RNF213: variants seen among roughly 807,000 people sequenced by gnomAD.
RNF213 encodes the protein ring finger protein 213, also known as E3 ubiquitin-protein ligase RNF213.
Under a neutral mutation model 514.4 loss-of-function variants are expected in RNF213, and 341 were observed. The observed-to-expected ratio is 0.66, with a 90% CI of 0.61 to 0.73. The LOEUF (loss-of-function observed/expected upper bound fraction) is 0.73, where lower values mean the gene tolerates loss of function less well. Ranked by LOEUF, RNF213 falls within the 30% of genes least tolerant of loss-of-function variation. The pLI is 0.00. For synonymous variants in RNF213, 2,655 were observed against 2,658.2 expected (o/e 1.00, Z 0.04); for missense variants, 5,767 against 6,615.6 (o/e 0.87, Z 4.45).
At position 80,289,759 on chromosome 17, in the gene RNF213, A is replaced by G. The variant is rs1377273405; in HGVS notation, c.1034A>G (p.Lys345Arg). 1 of 1,614,020 alleles carries G rather than the reference A, an allele frequency of 6.2e-7. No individual in the cohort carries two copies. The highest frequency in any genetic ancestry group is 1.1e-5 in the South Asian group (1 of 91,068). The change falls in exon 6 of 68, where the codon AAG becomes AGG. Residue 345 changes from lysine (K) to arginine (R), a missense_variant. This residue lies in a region of RNF213 where 509 missense variants were observed against 496.7 expected (regional missense o/e 1.02). Coordinates refer to ENST00000582970, the MANE Select transcript of RNF213 (RefSeq NM_001256071.3). The stretch of plus-strand genomic sequence containing the variant: ...GAAGACCTCAAGAAGCCAGAGGGGA[A>G]GAACAGAAGTGCAGCTGCTGTGAAA... ...EPEDLKKPEG[K>R]NRSAAAVKNE...
At chr17:80,365,516 G>T (rs976038121) in intron 42 of RNF213, 1 of 125,486 alleles carries the variant, frequency 8.0e-6, no homozygotes. Flanking sequence ...GAAAGCAGGG[G>T]AGGTAGAGGA....
chr17:80,318,512 T>A lies in RNF213; in HGVS notation c.2902-678T>A, dbSNP rs1230441428. ...GGAGAACACACAGACATGCCCCTCA[T>A]GCTGAATTAAGGCCTGAGGCTCAAG... is the stretch of plus-strand genomic sequence containing the variant. On this transcript the variant is annotated intron_variant, in intron 16 of 67. Coordinates refer to ENST00000582970, the MANE Select transcript of RNF213 (RefSeq NM_001256071.3). 2.6e-5 allele frequency among the ~76,000 whole-genome samples: 4 copies of A among 152,094 alleles called. No individual in the cohort carries two copies. The East Asian group carries it at 7.7e-4, about 29-fold the overall frequency.
chr17:80,290,306 TGTGTGC>T (rs1372590438), intron 6 of RNF213, among the ~76,000 whole-genome samples: 2 of 152,154 alleles, frequency 1.3e-5, no homozygotes, highest in African/African-American at 2.4e-5. Flanking sequence ...TGCATGTGGG[TGTGTGC>T]GTGTGCGTTC....
At chr17:80,385,948 G>C (rs1485908833) in intron 61 of RNF213, among the ~76,000 whole-genome samples, 1 of 152,206 alleles carries the variant, frequency 6.6e-6, no homozygotes, top group Non-Finnish European at 1.5e-5. Flanking sequence ...TTACAAGCGG[G>C]AGCCACTGCG....
chr17:80,347,491 G>C lies in RNF213; in HGVS notation c.9156G>C (p.Leu3052=), dbSNP rs764881147. 1 of 1,614,092 alleles carries C rather than the reference G, an allele frequency of 6.2e-7. No individual in the cohort carries two copies. The highest frequency in any genetic ancestry group is 2.2e-5 in the East Asian group (1 of 44,888). ...LLVLTKNYVA[L]QILQQTFFEG... ...TGCTGACCAAAAACTACGTGGCACT[G>C]CAGATCCTGCAGCAGACATTCTTCG... The change falls in exon 29 of 68, where the codon CTG becomes CTC. Residue 3052 remains leucine, a synonymous_variant. Transcript: ENST00000582970. The surrounding 1 kb of genome is among the most constrained non-coding windows in gnomAD (Gnocchi z 7.2).
At position 80,298,476 on chromosome 17, in the gene RNF213, A is replaced by AG. The variant is rs1480986105; in HGVS notation, c.2171dup (p.Leu725ThrfsTer39). 4 of 1,614,116 alleles carry AG rather than the reference A, an allele frequency of 2.5e-6. No homozygotes were observed. Among genetic ancestry groups the AG allele is most frequent in the Non-Finnish European group, 3.4e-6 (4 of 1,180,032 alleles). ...CCTGAGGACACCTGGGCCGCTCTGG[A>AG]GGGACTCTCCTTCTCACCGTTCCGG... On this transcript the variant is annotated frameshift_variant, in exon 11 of 68. Transcript: ENST00000582970. LOFTEE classifies it high-confidence loss of function.
chr17:80,292,299 C>T lies in RNF213; in HGVS notation c.1471+472C>T, dbSNP rs199613694. 3.9e-5 allele frequency among the ~76,000 whole-genome samples: 6 copies of T among 152,248 alleles called. No individual in the cohort carries two copies. The East Asian group carries it at 9.7e-4, about 25-fold the overall frequency. ...GGGTTTCACCATGTTGGACCTTGAC[C>T]TCAGGTGATCTGCCCTCCTCGACCT... On this transcript the variant is annotated intron_variant, in intron 8 of 67. Coordinates refer to ENST00000582970, the MANE Select transcript of RNF213 (RefSeq NM_001256071.3).
chr17:80,346,095 AC>A lies in RNF213; in HGVS notation c.7761del (p.Asp2587GlufsTer21). 1 of 1,614,148 alleles carries A rather than the reference AC, an allele frequency of 6.2e-7. No homozygotes were observed. The highest frequency in any genetic ancestry group is 8.5e-7 in the Non-Finnish European group (1 of 1,180,040). On this transcript the variant is annotated frameshift_variant, in exon 29 of 68. Coordinates refer to ENST00000582970, the MANE Select transcript of RNF213 (RefSeq NM_001256071.3). LOFTEE classifies it high-confidence loss of function. The surrounding 1 kb of genome is among the most constrained non-coding windows in gnomAD (Gnocchi z 8.1). ...GTGTGGGACTTTGGACAACTGAGTGACGTTGCTGAAAAGCTCTACATCCAGC... is the reference window on the plus strand; with the variant it reads ...GTGTGGGACTTTGGACAACTGAGTGAGTTGCTGAAAAGCTCTACATCCAGC... ...PLVWDFGQLS[D>X]VAEKLYIQQI...
rs754100273 is a variant in RNF213 at position 80,385,035 on chromosome 17, C to T, written c.14323-4C>T. On this transcript the variant is annotated splice_polypyrimidine_tract_variant and splice_region_variant and intron_variant, in intron 59 of 67. Coordinates refer to ENST00000582970, the MANE Select transcript of RNF213 (RefSeq NM_001256071.3). ...TTGTTACTGGGTGGTCTTCCCTTCT[C>T]CAGGAAGCAGAGCTGAGGCTGGTAA... 1.7e-5 allele frequency: 28 copies of T among 1,614,204 alleles called. 1 individual carries two copies. The South Asian group carries it at 2.1e-4, about 12-fold the overall frequency.
intron 3 of RNF213, among the ~76,000 whole-genome samples, chr17:80,285,756 T>C (rs1267114551): frequency 6.6e-6 from 1 of 151,104 alleles, no homozygotes; most frequent in East Asian, 2.0e-4. Context: ...CCGCAGCCTC[T>C]GCCTCCCGGG....
intron 46 of RNF213, among the ~76,000 whole-genome samples, chr17:80,371,293 CA>C (rs1307283295): frequency 1.3e-5 from 2 of 152,228 alleles, no homozygotes; most frequent in Admixed American, 6.5e-5. Context: ...CAATCAGCTG[CA>C]AAAACTATTA....
In RNF213 at chr17:80,389,890, G is replaced by A; in HGVS notation, c.15258G>A (p.Lys5086=). ...IALWQFLSAH[K]SEQLLRLHKE... The stretch of plus-strand genomic sequence containing the variant: ...TCTGGCAGTTCCTGTCTGCTCATAA[G>A]TCTGAACAGCTGCTGCGGCTGCACA... Residue 5086 remains lysine, a synonymous_variant, in exon 66 of 68, where the codon AAG becomes AAA. Coordinates refer to ENST00000582970, the MANE Select transcript of RNF213 (RefSeq NM_001256071.3). 1 of 1,614,192 alleles carries A rather than the reference G, an allele frequency of 6.2e-7. No individual in the cohort carries two copies. Among genetic ancestry groups the A allele is most frequent in the Non-Finnish European group, 8.5e-7 (1 of 1,180,032 alleles).
intron 3 of RNF213, among the ~76,000 whole-genome samples, chr17:80,282,848 C>T (rs1022696170): frequency 6.6e-6 from 1 of 152,006 alleles, no homozygotes; most frequent in Non-Finnish European, 1.5e-5. Flanking sequence ...CAGGTGTGTG[C>T]CACCACGCCT....
In RNF213 at chr17:80,345,848, C is replaced by T; in HGVS notation, c.7513C>T (p.His2505Tyr). The change falls in exon 29 of 68, where the codon CAT (histidine) becomes TAT (tyrosine). Residue 2505 changes from histidine (H) to tyrosine (Y), a missense_variant. Physicochemically the swap from His to Tyr is moderately conservative, Grantham distance 83. This residue lies in a region of RNF213 where 1,377 missense variants were observed against 1,635.2 expected (regional missense o/e 0.84). Transcript: ENST00000582970. The surrounding 1 kb of genome is among the most constrained non-coding windows in gnomAD (Gnocchi z 6.0). ...ISCIKEVLCDHMVDGQPLAED... is the reference protein window; with the variant it reads ...ISCIKEVLCDYMVDGQPLAED... The stretch of plus-strand genomic sequence containing the variant: ...CTGTATCAAAGAAGTCCTGTGTGAT[C>T]ATATGGTGGATGGCCAGCCTCTGGC... 1.9e-6 allele frequency: 3 copies of T among 1,614,122 alleles called. No individual in the cohort carries two copies. Among genetic ancestry groups the T allele is most frequent in the Non-Finnish European group, 2.5e-6 (3 of 1,180,052 alleles).
In RNF213 at chr17:80,287,272, G is replaced by A. The variant is rs1008482034; in HGVS notation, c.262-543G>A. Among the ~76,000 whole-genome samples the A allele has an allele frequency of 1.2e-4, 18 of 152,328 alleles. 1 individual carries two copies. The highest frequency in any genetic ancestry group is 7.8e-4 in the Admixed American group (12 of 15,290). ...GGACCTTGGGAGGCCGAGATGGGCA[G>A]ATTGCCTGAGCCTGAGATTTCAAAA... On this transcript the variant is annotated intron_variant, in intron 3 of 67. Transcript: ENST00000582970.
chr17:80,299,050 G>A (rs1386641271), intron 11 of RNF213, among the ~76,000 whole-genome samples: 1 of 152,116 alleles, frequency 6.6e-6, no homozygotes, highest in Non-Finnish European at 1.5e-5. Context: ...TTGTTAGCAC[G>A]GTGGCATACC....
In RNF213 at chr17:80,340,098, C is replaced by G; in HGVS notation, c.5731C>G (p.Leu1911Val). The change falls in exon 26 of 68, where the codon CTT (leucine) becomes GTT (valine). Residue 1911 changes from leucine (L) to valine (V), a missense_variant. Leu to Val is a conservative substitution (Grantham distance 32, BLOSUM62 1). This residue lies in a region of RNF213 where 1,377 missense variants were observed against 1,635.2 expected (regional missense o/e 0.84). Coordinates refer to ENST00000582970, the MANE Select transcript of RNF213 (RefSeq NM_001256071.3). ...SYEVARQAEELFHNLCTQQHR... is the reference protein window; with the variant it reads ...SYEVARQAEEVFHNLCTQQHR... Reference sequence around the variant, plus strand: ...CGAGGTGGCACGCCAAGCGGAGGAGCTTTTCCACAATCTGTGCACGCAGCA... The same window carrying G: ...CGAGGTGGCACGCCAAGCGGAGGAGGTTTTCCACAATCTGTGCACGCAGCA... 6.2e-7 allele frequency: 1 copy of G among 1,610,398 alleles called. No individual in the cohort carries two copies. The highest frequency in any genetic ancestry group is 8.5e-7 in the Non-Finnish European group (1 of 1,179,252).
rs541451082 is a variant in RNF213 at position 80,393,574 on chromosome 17, C to G, written c.*76C>G. On this transcript the variant is annotated 3_prime_UTR_variant, in exon 68 of 68. Coordinates refer to ENST00000582970, the MANE Select transcript of RNF213 (RefSeq NM_001256071.3). Reference sequence around the variant, plus strand: ...TCCTCGTCTGCGGCGTGGACTTGATCATGGACTGGTGCCTTTGCATTCAGA... The same window carrying G: ...TCCTCGTCTGCGGCGTGGACTTGATGATGGACTGGTGCCTTTGCATTCAGA... 1.3e-6 allele frequency: 2 copies of G among 1,499,768 alleles called. No individual in the cohort carries two copies. The highest frequency in any genetic ancestry group is 2.8e-5 in the African/African-American group (2 of 72,668). 92.9% of individuals were successfully genotyped at this position (1,499,768 alleles called of 1,614,324 possible).
rs930965089 is a variant in RNF213 at position 80,339,944 on chromosome 17, C to T, written c.5577C>T (p.Tyr1859=). 6.5e-6 allele frequency: 10 copies of T among 1,536,902 alleles called. No homozygotes were observed. The highest frequency in any genetic ancestry group is 5.5e-5 in the African/African-American group (4 of 73,036). ...CCCCAAGCCAGCCCCTGCCCACTTA[C>T]GATGAGGTGCTGCTCTGCACCCCGG... ...MQTPSQPLPT[Y]DEVLLCTPAT... is the part of the protein sequence containing the mutation. Residue 1859 remains tyrosine (Y), a synonymous_variant, in exon 26 of 68, where the codon TAC becomes TAT. Transcript: ENST00000582970.
Sources: allele counts gnomAD v4.1 joint callset (sites outside exome capture counted in the v4.1 genomes callset), GRCh38; gene constraint gnomAD v4.1.1; regional missense constraint gnomAD v4.1.1; non-coding constraint Gnocchi (gnomAD v3.1); transcripts MANE v1.5; gene names NCBI Gene and HGNC (gene_info 2026-07-23, HGNC 2026-07-21).